The following DPH6 variants were observed in gnomAD, a reference collection of about 807,000 sequenced individuals.
DPH6 encodes the protein diphthine--ammonia ligase.
DPH6 carries 33 observed loss-of-function variants against 38.2 expected under a neutral mutation model. That is an observed-to-expected ratio of 0.86 (90% CI 0.65 to 1.15). The LOEUF (loss-of-function observed/expected upper bound fraction) is 1.15. DPH6 is among the 50% of genes most tolerant of loss of function. DPH6 has a pLI of 0.00. For synonymous variants in DPH6, 108 were observed against 103.0 expected (o/e 1.05, Z -0.30); for missense variants, 325 against 320.0 (o/e 1.02, Z -0.12).
At chr15:35,189,277 A>G in the DPH6 span, among the ~76,000 whole-genome samples, 1 of 152,198 alleles carries the variant, frequency 6.6e-6, no homozygotes, top group Non-Finnish European at 1.5e-5. Flanking sequence ...TAGCTTCTGG[A>G]AGATAAAATT....
chr15:35,298,064 G>A (rs1276489893), intron 3 of DPH6, among the ~76,000 whole-genome samples: 5 of 151,308 alleles, frequency 3.3e-5, no homozygotes, highest in East Asian at 1.9e-4. Context: ...TTTTGTAAAC[G>A]GATTTTTATA....
intron 3 of DPH6, among the ~76,000 whole-genome samples, chr15:35,296,647 A>AT (rs1284599951): frequency 6.6e-6 from 1 of 152,236 alleles, no homozygotes; most frequent in East Asian, 1.9e-4. Context: ...AGAAAAACAC[A>AT]TAACTGGAGA....
At chr15:35,357,891 C>A (rs1486144431) in intron 3 of DPH6, among the ~76,000 whole-genome samples, 1 of 151,656 alleles carries the variant, frequency 6.6e-6, no homozygotes, top group East Asian at 1.9e-4. Flanking sequence ...ATGAATTTCC[C>A]AGGTGTTCTT....
At chr15:35,452,058 C>T (rs1217448204) in intron 4 of DPH6, among the ~76,000 whole-genome samples, 1 of 151,962 alleles carries the variant, frequency 6.6e-6, no homozygotes, top group African/African-American at 2.4e-5. Context: ...TCATAGGATT[C>T]CTCTGCTCAA....
chr15:35,221,760 T>C (rs1194957646), intron 3 of DPH6, among the ~76,000 whole-genome samples: 1 of 152,206 alleles, frequency 6.6e-6, no homozygotes, highest in African/African-American at 2.4e-5. Context: ...GCTTTTTAAT[T>C]CTTTATATGG....
At chr15:35,266,831 T>C (rs1340039817) in intron 3 of DPH6, among the ~76,000 whole-genome samples, 1 of 152,194 alleles carries the variant, frequency 6.6e-6, no homozygotes, top group Admixed American at 6.5e-5. Flanking sequence ...GGAGCTTTAC[T>C]TGAAAGAAAA....
intron 3 of DPH6, among the ~76,000 whole-genome samples, chr15:35,235,233 G>A (rs1198550335): frequency 6.6e-6 from 1 of 152,168 alleles, no homozygotes; most frequent in Non-Finnish European, 1.5e-5. Context: ...GTCTAGTCCA[G>A]GGGTAGGAAA....
chr15:35,219,405 G>C (rs2051428792), exon 4 of DPH6: 1 of 152,172 alleles, frequency 6.6e-6, no homozygotes, highest in Non-Finnish European at 1.5e-5. Flanking sequence ...TTTTGAAAAT[G>C]TATGTATTTT....
intron 3 of DPH6, among the ~76,000 whole-genome samples, chr15:35,296,096 T>C (rs1295724467): frequency 6.6e-6 from 1 of 151,830 alleles, no homozygotes; most frequent in Admixed American, 6.6e-5. Flanking sequence ...CCCGCTACCA[T>C]GTCCGGCTAA....
intron 3 of DPH6, among the ~76,000 whole-genome samples, chr15:35,225,399 T>A (rs1234121631): frequency 6.6e-6 from 1 of 152,230 alleles, no homozygotes; most frequent in Non-Finnish European, 1.5e-5. Flanking sequence ...AGGAAGTCAC[T>A]AAGTCCAATC....
chr15:35,209,490 T>C, the DPH6 span, among the ~76,000 whole-genome samples: 1 of 152,188 alleles, frequency 6.6e-6, no homozygotes. Flanking sequence ...GTTACTATTT[T>C]AGAAGAATGG....
At chr15:35,287,547 G>A (rs2051951873) in intron 3 of DPH6, among the ~76,000 whole-genome samples, 1 of 152,036 alleles carries the variant, frequency 6.6e-6, no homozygotes, top group Non-Finnish European at 1.5e-5. Context: ...TATTCATGTT[G>A]AGCTGTGCCC....
chr15:35,231,874 C>G (rs1353891175), intron 3 of DPH6, among the ~76,000 whole-genome samples: 1 of 152,202 alleles, frequency 6.6e-6, no homozygotes, highest in East Asian at 1.9e-4. Context: ...ATCTCATGAT[C>G]TCGCAGGAGC....
At chr15:35,388,700 T>C (rs546777421) in intron 6 of DPH6, among the ~76,000 whole-genome samples, 2 of 152,330 alleles carry the variant, frequency 1.3e-5, no homozygotes, top group Admixed American at 1.3e-4. Context: ...CCCTTTGTCA[T>C]TTTTTATTGC....
intron 5 of DPH6, among the ~76,000 whole-genome samples, chr15:35,437,807 G>C (rs934171045): frequency 6.6e-6 from 1 of 152,226 alleles, no homozygotes; most frequent in Admixed American, 6.5e-5. Flanking sequence ...TTGGAAGCAT[G>C]ACCTGTAACC....
At chr15:35,357,783 T>C (rs2052578183) in intron 3 of DPH6, among the ~76,000 whole-genome samples, 1 of 152,236 alleles carries the variant, frequency 6.6e-6, no homozygotes, top group Non-Finnish European at 1.5e-5. Context: ...GGTTTATATG[T>C]TACCTGGTGC....
intron 3 of DPH6, among the ~76,000 whole-genome samples, chr15:35,303,801 A>C (rs906780482): frequency 4.0e-5 from 6 of 150,954 alleles, no homozygotes; most frequent in African/African-American, 1.5e-4. Context: ...CTTTTTTTTT[A>C]AAGAAGGATA....
intron 6 of DPH6, among the ~76,000 whole-genome samples, chr15:35,391,260 G>A (rs190528251): frequency 1.7e-3 from 261 of 152,290 alleles, no homozygotes; most frequent in African/African-American, 5.1e-3. Flanking sequence ...CTACTGGGGG[G>A]TGCCTCCCAG....
the DPH6 span, among the ~76,000 whole-genome samples, chr15:35,146,990 G>A: frequency 6.6e-6 from 1 of 152,012 alleles, no homozygotes; most frequent in African/African-American, 2.4e-5. Flanking sequence ...AGGAAACACT[G>A]GTTAATATAC....
Sources: gnomAD v4.1 joint callset for allele counts (sites outside exome capture counted in the v4.1 genomes callset) on GRCh38, gnomAD v4.1.1 for gene constraint, MANE v1.5 for transcripts, NCBI Gene and HGNC (gene_info 2026-07-23, HGNC 2026-07-21) for gene names.